SLC43A1: variants seen among roughly 807,000 people sequenced by gnomAD.
SLC43A1 encodes large neutral amino acids transporter small subunit 3.
Under a neutral mutation model 59.5 loss-of-function variants are expected in SLC43A1, and 31 were observed. The observed-to-expected ratio is 0.52, with a 90% CI of 0.39 to 0.70. The LOEUF is 0.70. Ranked by LOEUF, SLC43A1 falls within the 30% of genes least tolerant of loss-of-function variation. The pLI, the probability that SLC43A1 is intolerant of heterozygous loss-of-function variation, is 0.00. For missense variants in SLC43A1, 598 were observed against 717.8 expected, an observed-to-expected ratio of 0.83 and a Z score of 1.91; for synonymous variants, 259 against 290.9, an observed-to-expected ratio of 0.89 and a Z score of 1.12.
Position 57,488,857 on chromosome 11 carries a change from T to A in SLC43A1, c.1409+59A>T, listed in dbSNP as rs1465678121. On this transcript the variant is annotated intron_variant, in intron 13 of 14. Coordinates refer to ENST00000278426, the MANE Select transcript of SLC43A1 (RefSeq NM_003627.6). ...GCCTGGGGCCCTCCCAACCCTTCCC[T>A]GGGGTTCTCTGATCACGGTTGCAAA... 8.9e-6 allele frequency: 13 copies of A among 1,453,476 alleles called. No individual in the cohort carries two copies. The East Asian group carries it at 2.7e-4, about 30-fold the overall frequency. 90.0% of individuals were successfully genotyped at this position (1,453,476 alleles called of 1,614,324 possible).
chr11:57,485,099 T>G lies in SLC43A1; in HGVS notation c.1677A>C (p.Ala559=). The change falls in exon 15 of 15, where the codon GCA becomes GCC. Residue 559 remains alanine, a synonymous_variant. Coordinates refer to ENST00000278426, the MANE Select transcript of SLC43A1 (RefSeq NM_003627.6). ...LKVLSGSEVT[A] ...CAGGTCCCTTGGTCTGAGAAGTCTA[T>G]GCGGTCACCTCAGAGCCGCTAAGCA... 1 of 1,612,326 alleles carries G rather than the reference T, an allele frequency of 6.2e-7. No individual in the cohort carries two copies. The highest frequency in any genetic ancestry group is 1.1e-5 in the South Asian group (1 of 90,816).
At chr11:57,508,810 A>C (rs1285740237) in intron 2 of SLC43A1, among the ~76,000 whole-genome samples, 1 of 152,064 alleles carries the variant, frequency 6.6e-6, no homozygotes, top group Non-Finnish European at 1.5e-5. Flanking sequence ...CAAAACAAAA[A>C]AAAACAAATA....
At chr11:57,492,568 AT>A (rs1565128000) in intron 8 of SLC43A1, among the ~76,000 whole-genome samples, 28 of 28,188 alleles carry the variant, frequency 9.9e-4, no homozygotes, top group South Asian at 1.3e-3. Context: ...ATATATATAT[AT>A]ATATAAAAAA....
Position 57,491,740 on chromosome 11 carries a change from G to T in SLC43A1, c.994C>A (p.Leu332Ile). The T allele has an allele frequency of 3.7e-6, 6 of 1,614,232 alleles. No homozygotes were observed. Among genetic ancestry groups the T allele is most frequent in the Non-Finnish European group, 5.1e-6 (6 of 1,180,042 alleles). ...CCATGCTCCTGGCCACCAGTCACAA[G>T]GTACTCCAGCATCTTGTTCACAGCA... ...MAAVNKMLEY[L>I]VTGGQEHETN... Residue 332 changes from leucine (L) to isoleucine (I), a missense_variant, in exon 9 of 15, where the codon CTT becomes ATT. By Grantham distance (5) the Leu-to-Ile change is conservative. Coordinates refer to ENST00000278426, the MANE Select transcript of SLC43A1 (RefSeq NM_003627.6).
In SLC43A1 at chr11:57,501,254, T is replaced by A. The variant is rs1944259572; in HGVS notation, c.230A>T (p.Asn77Ile). 1 of 1,612,494 alleles carries A rather than the reference T, an allele frequency of 6.2e-7. No individual in the cohort carries two copies. Among genetic ancestry groups the A allele is most frequent in the South Asian group, 1.1e-5 (1 of 91,090 alleles). ...GAAGGAACCAATGGTGAAGCCCAGG[T>A]TGAGCATCTCGTCCTGCTGGTCACA... ...PGCDQQDEML[N>I]LGFTIGSFVL... Residue 77 changes from asparagine to isoleucine, a missense_variant, in exon 3 of 15, where the codon AAC becomes ATC. Asn to Ile is a moderately radical substitution (Grantham distance 149). Coordinates refer to ENST00000278426, the MANE Select transcript of SLC43A1 (RefSeq NM_003627.6).
At chr11:57,493,277 C>A (rs751238519) in intron 8 of SLC43A1, among the ~76,000 whole-genome samples, 1 of 152,146 alleles carries the variant, frequency 6.6e-6, no homozygotes, top group African/African-American at 2.4e-5. Context: ...CTCTGAGAAT[C>A]GGCACTGGGG....
Position 57,501,336 on chromosome 11 carries a change from AG to A in SLC43A1, c.155-8del. ...GTGTTGGTGCTGCTCTCAGCTGAGG[AG>A]GGGGAAGGGAGGGCTCAGCACATGA... On this transcript the variant is annotated splice_polypyrimidine_tract_variant and splice_region_variant and intron_variant, in intron 2 of 14. Coordinates refer to ENST00000278426, the MANE Select transcript of SLC43A1 (RefSeq NM_003627.6). The A allele has an allele frequency of 6.2e-7, 1 of 1,606,594 alleles. No homozygotes were observed.
chr11:57,495,189 A>C (rs1944043559), intron 7 of SLC43A1, among the ~76,000 whole-genome samples: 1 of 151,894 alleles, frequency 6.6e-6, no homozygotes, highest in Non-Finnish European at 1.5e-5. Flanking sequence ...TTTTGCACCC[A>C]CATAAATAGT....
At chr11:57,495,995 C>T in intron 7 of SLC43A1, 36 bp downstream of exon 7, 1 of 1,609,704 alleles carries the variant, frequency 6.2e-7, no homozygotes, top group African/African-American at 1.3e-5. Context: ...GCCCTCTCTG[C>T]CCCAGGGAGA....
intron 14 of SLC43A1, among the ~76,000 whole-genome samples, chr11:57,485,613 C>T (rs1416185883): frequency 1.3e-5 from 2 of 152,132 alleles, no homozygotes; most frequent in South Asian, 2.1e-4. Context: ...AATGGGATCC[C>T]GTTCAGGGTG....
intron 2 of SLC43A1, among the ~76,000 whole-genome samples, chr11:57,501,726 G>A (rs745566698): frequency 2.6e-5 from 4 of 152,302 alleles, no homozygotes; most frequent in Non-Finnish European, 5.9e-5. Flanking sequence ...ATGGCCCGGC[G>A]TGGTAGTTCA....
rs1944262056 is a variant in SLC43A1 at position 57,501,320 on chromosome 11, C to T, written c.164G>A (p.Ser55Asn). 6.2e-7 allele frequency: 1 copy of T among 1,608,858 alleles called. No individual in the cohort carries two copies. Among genetic ancestry groups the T allele is most frequent in the Non-Finnish European group, 8.5e-7 (1 of 1,179,872 alleles). The change falls in exon 3 of 15, where the codon AGC becomes AAC. Residue 55 changes from serine to asparagine, a missense_variant. By Grantham distance (46) the Ser-to-Asn change is conservative. Transcript: ENST00000278426. Reference sequence around the variant, plus strand: ...CTGCTCATCCTGGGTGGTGTTGGTGCTGCTCTCAGCTGAGGAGGGGGAAGG... The same window carrying T: ...CTGCTCATCCTGGGTGGTGTTGGTGTTGCTCTCAGCTGAGGAGGGGGAAGG... ...FYSSTCPAES[S>N]TNTTQDEQRR...
chr11:57,510,813 G>A (rs1329921041), intron 2 of SLC43A1, among the ~76,000 whole-genome samples: 1 of 151,670 alleles, frequency 6.6e-6, no homozygotes, highest in Admixed American at 6.6e-5. Context: ...ACAACATGGT[G>A]AAACCCCATC....
At chr11:57,497,700 GC>G in intron 6 of SLC43A1, 52 bp downstream of exon 6, 1 of 1,421,394 alleles carries the variant, frequency 7.0e-7, no homozygotes, top group Non-Finnish European at 9.9e-7. Flanking sequence ...TGCTCACTCG[GC>G]CCCACCCGGT....
intron 5 of SLC43A1, among the ~76,000 whole-genome samples, chr11:57,499,957 G>A (rs1944208596): frequency 1.3e-5 from 2 of 152,146 alleles, no homozygotes; most frequent in Admixed American, 6.5e-5. Context: ...AAATGTCCCC[G>A]GTTGGAATTA....
intron 2 of SLC43A1, among the ~76,000 whole-genome samples, chr11:57,505,946 G>A (rs112370572): frequency 5.4e-4 from 82 of 152,222 alleles, no homozygotes; most frequent in Non-Finnish European, 4.7e-4. Context: ...CACACACAGC[G>A]AACACTCACA....
chr11:57,491,652 G>C (rs776785880), intron 9 of SLC43A1, 26 bp from the exon 10 acceptor site: 27 of 1,614,070 alleles, frequency 1.7e-5, no homozygotes, highest in Non-Finnish European at 2.2e-5. Flanking sequence ...CGTATGGTGA[G>C]GGGAGCTCAG....
chr11:57,498,403 T>A (rs1013905746), intron 5 of SLC43A1, among the ~76,000 whole-genome samples: 2 of 152,002 alleles, frequency 1.3e-5, no homozygotes, highest in South Asian at 4.2e-4. Flanking sequence ...ATCGCACCAC[T>A]GCACTTTAGC....
At chr11:57,494,399 T>C (rs1170167736) in intron 7 of SLC43A1, 5 of 506,038 alleles carry the variant, frequency 9.9e-6, no homozygotes, top group Non-Finnish European at 1.4e-5. Flanking sequence ...TGTTTTTCAC[T>C]TGGGCTGTTC....
Sources: allele counts gnomAD v4.1 joint callset (sites outside exome capture counted in the v4.1 genomes callset), GRCh38; gene constraint gnomAD v4.1.1; transcripts MANE v1.5; gene names NCBI Gene and HGNC (gene_info 2026-07-23, HGNC 2026-07-21).